KIAA1217: variants seen among roughly 807,000 people sequenced by gnomAD.
KIAA1217 encodes the protein sickle tail protein homolog.
Under a neutral mutation model 163.9 loss-of-function variants are expected in KIAA1217, and 88 were observed. The observed-to-expected ratio is 0.54, with a 90% confidence interval of 0.45 to 0.64. The LOEUF is 0.64. KIAA1217 is among the 30% of genes least tolerant of loss of function. KIAA1217 has a pLI of 0.00. For synonymous variants in KIAA1217, 903 were observed against 923.1 expected (o/e 0.98, Z 0.39); for missense variants, 2,372 against 2,475.0 (o/e 0.96, Z 0.88).
chr10:23,969,621 T>C (rs559811749), intron 1 of KIAA1217, among the ~76,000 whole-genome samples: 11 of 152,362 alleles, frequency 7.2e-5, no homozygotes, highest in African/African-American at 2.4e-4. Flanking sequence ...TCATTTTTAA[T>C]TGGTTATTTA....
rs1234346002 is a variant in KIAA1217, at chr10:24,521,742, C to A, written c.2309-40C>A. ...TGCGGGATGAGGGTTGTCGTTCTGG[C>A]TTTTTCTCCTCCAATTCACCTGCTG... is the stretch of plus-strand genomic sequence containing the variant. On this transcript the variant is annotated intron_variant, in intron 11 of 20. Transcript: ENST00000376454. 2.5e-6 allele frequency: 4 copies of A among 1,596,216 alleles called. No homozygotes were observed. The African/African-American group carries it at 4.0e-5, about 16-fold the overall frequency.
chr10:24,043,452 G>A (rs569421753), intron 2 of KIAA1217, among the ~76,000 whole-genome samples: 4 of 152,032 alleles, frequency 2.6e-5, no homozygotes, highest in South Asian at 2.1e-4. Context: ...GTACTATTTC[G>A]AAGATGTAAG....
chr10:24,354,145 TA>T (rs1306924407), intron 2 of KIAA1217, among the ~76,000 whole-genome samples: 11 of 152,352 alleles, frequency 7.2e-5, no homozygotes, highest in African/African-American at 2.6e-4. Flanking sequence ...TCTGTTTAAG[TA>T]ACATCAAGTC....
chr10:23,697,556 A>G (rs1399021541), intron 1 of KIAA1217, among the ~76,000 whole-genome samples: 1 of 152,052 alleles, frequency 6.6e-6, no homozygotes, highest in African/African-American at 2.4e-5. Context: ...CAGAAAACTA[A>G]GGCTTCATAG....
intron 1 of KIAA1217, among the ~76,000 whole-genome samples, chr10:24,215,731 G>C (rs142059997): frequency 6.6e-6 from 1 of 152,342 alleles, no homozygotes; most frequent in Non-Finnish European, 1.5e-5. Flanking sequence ...CCTTGTCGAG[G>C]AAAAGGCTCA....
chr10:24,116,161 C>T (rs1055613865), intron 2 of KIAA1217, among the ~76,000 whole-genome samples: 1 of 152,098 alleles, frequency 6.6e-6, no homozygotes, highest in African/African-American at 2.4e-5. Context: ...TACCCCCACC[C>T]CAGGCCTCCA....
chr10:24,049,375 A>G (rs1376592467), intron 2 of KIAA1217, among the ~76,000 whole-genome samples: 1 of 152,198 alleles, frequency 6.6e-6, no homozygotes, highest in Non-Finnish European at 1.5e-5. Flanking sequence ...TAAAGATCGT[A>G]TAAATTATCT....
chr10:24,379,024 G>A (rs191937035), intron 2 of KIAA1217, among the ~76,000 whole-genome samples: 8 of 152,238 alleles, frequency 5.3e-5, no homozygotes, highest in Non-Finnish European at 8.8e-5. Flanking sequence ...GGTTTCTGCC[G>A]TGAGCTATAA....
At chr10:24,107,829 C>T (rs2062690680) in intron 2 of KIAA1217, among the ~76,000 whole-genome samples, 1 of 152,102 alleles carries the variant, frequency 6.6e-6, no homozygotes, top group Non-Finnish European at 1.5e-5. Flanking sequence ...TTGCTTAGTG[C>T]TGCAAAGGGG....
intron 2 of KIAA1217, among the ~76,000 whole-genome samples, chr10:24,293,922 G>T (rs569943156): frequency 6.6e-6 from 1 of 152,138 alleles, no homozygotes; most frequent in Non-Finnish European, 1.5e-5. Context: ...GGCCGGGTGC[G>T]GTGGCTCACG....
chr10:24,198,873 G>A (rs1056426167), intron 2 of KIAA1217, among the ~76,000 whole-genome samples: 3 of 152,052 alleles, frequency 2.0e-5, no homozygotes, highest in Non-Finnish European at 2.9e-5. Flanking sequence ...GATCATCTTT[G>A]GCCTAAAGCA....
intron 2 of KIAA1217, among the ~76,000 whole-genome samples, chr10:24,249,828 AC>A (rs1272334170): frequency 1.3e-5 from 2 of 152,126 alleles, no homozygotes; most frequent in Non-Finnish European, 2.9e-5. Context: ...GGAGATTTGA[AC>A]CCAGCTATTG....
intron 2 of KIAA1217, among the ~76,000 whole-genome samples, chr10:24,120,654 C>G (rs1274392081): frequency 6.6e-6 from 1 of 152,164 alleles, no homozygotes; most frequent in East Asian, 1.9e-4. Flanking sequence ...TAGACTTTGC[C>G]TTCTTTAACT....
chr10:23,846,076 G>A lies in KIAA1217; in HGVS notation c.-321+150842G>A, dbSNP rs192080814. ...GTGTTTTTTCTGAGGCCCCTGTTCT[G>A]TTCCATTGGTCTATATAACTGTTTT... On this transcript the variant is annotated intron_variant, in intron 1 of 18. Transcript: ENST00000376462. 2.6e-5 allele frequency among the ~76,000 whole-genome samples: 4 copies of A among 152,196 alleles called. No homozygotes were observed. In the East Asian group the frequency reaches 7.7e-4, roughly 29 times the overall value.
intron 1 of KIAA1217, among the ~76,000 whole-genome samples, chr10:23,781,062 T>C (rs1293099009): frequency 2.0e-5 from 3 of 152,200 alleles, no homozygotes; most frequent in African/African-American, 7.2e-5. Context: ...AATGTTGCAA[T>C]GAACATGGGA....
At chr10:24,540,760 T>G (rs1390574478) in intron 17 of KIAA1217, among the ~76,000 whole-genome samples, 1 of 152,194 alleles carries the variant, frequency 6.6e-6, no homozygotes, top group African/African-American at 2.4e-5. Context: ...TAAATTCATT[T>G]ACATATATAT....
chr10:23,804,755 T>C (rs1836656502), intron 1 of KIAA1217, among the ~76,000 whole-genome samples: 1 of 152,182 alleles, frequency 6.6e-6, no homozygotes, highest in Non-Finnish European at 1.5e-5. Context: ...CCAGCGTGAA[T>C]GAAAGTGTAT....
chr10:23,997,176 C>CGTA (rs1846524049), intron 1 of KIAA1217, among the ~76,000 whole-genome samples: 1 of 152,142 alleles, frequency 6.6e-6, no homozygotes, highest in South Asian at 2.1e-4. Context: ...TGATTCCTAC[C>CGTA]AACTTGCAGG....
chr10:23,900,503 A>C (rs894893685), intron 1 of KIAA1217, among the ~76,000 whole-genome samples: 1 of 152,110 alleles, frequency 6.6e-6, no homozygotes, highest in Non-Finnish European at 1.5e-5. Flanking sequence ...GTATCACAAA[A>C]CATTCAATAT....
Sources: allele counts gnomAD v4.1 joint callset (sites outside exome capture counted in the v4.1 genomes callset), GRCh38; gene constraint gnomAD v4.1.1; transcripts MANE v1.5; gene names NCBI Gene and HGNC (gene_info 2026-07-23, HGNC 2026-07-21).